RIPK1: variants seen among roughly 807,000 people sequenced by gnomAD.
RIPK1 encodes receptor interacting serine/threonine kinase 1, also known as receptor-interacting serine/threonine-protein kinase 1.
A neutral mutation model predicts 62.4 loss-of-function variants in RIPK1; 27 were observed. That is an observed-to-expected ratio of 0.43 (90% confidence interval 0.32 to 0.60). The LOEUF is 0.60. RIPK1 is among the 20% of genes least tolerant of loss of function. RIPK1 has a pLI of 0.07. For synonymous variants in RIPK1, 287 were observed against 303.2 expected, an observed-to-expected ratio of 0.95 and a Z score of 0.55; for missense variants, 735 against 831.0, an observed-to-expected ratio of 0.88 and a Z score of 1.42.
intron 1 of RIPK1, among the ~76,000 whole-genome samples, chr6:3,070,914 G>T (rs1264005537): frequency 1.3e-5 from 2 of 152,144 alleles, no homozygotes; most frequent in Non-Finnish European, 2.9e-5. Context: ...TTTGAATGAA[G>T]GGACAAATAT....
intron 7 of RIPK1, among the ~76,000 whole-genome samples, chr6:3,094,629 A>G (rs1760189714): frequency 6.6e-6 from 1 of 151,132 alleles, no homozygotes; most frequent in African/African-American, 2.4e-5. Flanking sequence ...AATTAGCCAA[A>G]CATTATCTGA....
chr6:3,098,077 C>G (rs1006136706), intron 7 of RIPK1, among the ~76,000 whole-genome samples: 2 of 152,238 alleles, frequency 1.3e-5, no homozygotes, highest in South Asian at 4.1e-4. Context: ...TGCCCACTTT[C>G]GGTCCCAGCT....
rs2113688751 is a variant in RIPK1 at position 3,104,263 on chromosome 6, G to A, written c.954G>A (p.Met318Ile). Residue 318 changes from methionine to isoleucine, a missense_variant, in exon 8 of 11, where the codon ATG becomes ATA. Met to Ile is a conservative substitution (Grantham distance 10). Coordinates refer to ENST00000259808, the MANE Select transcript of RIPK1 (RefSeq NM_001354930.2). ...ACGAAAATGCAGTTGTGAAGAGAATGCAGTCTCTTCAACTTGATTGTGTGG... is the reference window on the plus strand; with the variant it reads ...ACGAAAATGCAGTTGTGAAGAGAATACAGTCTCTTCAACTTGATTGTGTGG... The part of the protein sequence containing the change: ...YSNENAVVKR[M>I]QSLQLDCVAV... 1 of 1,603,816 alleles carries A rather than the reference G, an allele frequency of 6.2e-7. No homozygotes were observed.
In RIPK1 at chr6:3,089,661, G is replaced by A. The variant is rs750442977; in HGVS notation, c.915+4G>A. 4 of 1,509,030 alleles carry A rather than the reference G, an allele frequency of 2.7e-6. No homozygotes were observed. The Admixed American group carries it at 5.4e-5, about 20-fold the overall frequency. 93.5% of individuals were successfully genotyped at this position (1,509,030 alleles called of 1,614,324 possible). On this transcript the variant is annotated splice_donor_region_variant and intron_variant, in intron 7 of 10. Coordinates refer to ENST00000259808, the MANE Select transcript of RIPK1 (RefSeq NM_001354930.2). ...AGAGGACGTGAAGAGTTTAAAGGTAGGCAATATAGCAGATGCTCAAAATAT... is the reference window on the plus strand; with the variant it reads ...AGAGGACGTGAAGAGTTTAAAGGTAAGCAATATAGCAGATGCTCAAAATAT...
At chr6:3,085,112 TG>T in intron 5 of RIPK1, 146 bp from the exon 6 acceptor site, 1 of 758,262 alleles carries the variant, frequency 1.3e-6, no homozygotes, top group Non-Finnish European at 2.2e-6. Flanking sequence ...TAGTGGAATA[TG>T]TCAGCTCCTT....
intron 9 of RIPK1, among the ~76,000 whole-genome samples, chr6:3,109,416 G>GA (rs1247809709): frequency 6.6e-6 from 1 of 152,088 alleles, no homozygotes; most frequent in Non-Finnish European, 1.5e-5. Flanking sequence ...AGACAGGGAG[G>GA]AAACAGTGAA....
At chr6:3,106,463 T>G (rs17548545) in intron 9 of RIPK1, among the ~76,000 whole-genome samples, 1 of 152,204 alleles carries the variant, frequency 6.6e-6, no homozygotes, top group Non-Finnish European at 1.5e-5. Flanking sequence ...AAGACTACCA[T>G]TAGTGATGAA....
At chr6:3,096,235 A>G (rs1760283770) in intron 7 of RIPK1, among the ~76,000 whole-genome samples, 2 of 152,220 alleles carry the variant, frequency 1.3e-5, no homozygotes, top group Non-Finnish European at 2.9e-5. Context: ...GTAGAGCAAG[A>G]AAAAGAAAGA....
At position 3,102,491 on chromosome 6, in the gene RIPK1, T is replaced by G. The variant is rs991671602; in HGVS notation, c.916-1734T>G. Among the ~76,000 whole-genome samples, 28 of 152,178 alleles carry G rather than the reference T, an allele frequency of 1.8e-4. 1 individual carries two copies. The highest frequency in any genetic ancestry group is 3.8e-4 in the Non-Finnish European group (26 of 68,036). On this transcript the variant is annotated intron_variant, in intron 7 of 10. Coordinates refer to ENST00000259808, the MANE Select transcript of RIPK1 (RefSeq NM_001354930.2). ...TCCAAAACACTTCTAATCCCAAGCATTTTGGATAAGGGATACTACACCTGC... is the reference window on the plus strand; with the variant it reads ...TCCAAAACACTTCTAATCCCAAGCAGTTTGGATAAGGGATACTACACCTGC...
At position 3,095,846 on chromosome 6, in the gene RIPK1, C is replaced by CT. The variant is rs34808064; in HGVS notation, c.915+6205dup. 8.8e-3 allele frequency among the ~76,000 whole-genome samples: 1,207 copies of CT among 137,144 alleles called. 17 individuals carry two copies. The highest frequency in any genetic ancestry group is 0.023 in the South Asian group (100 of 4,330). 90.0% of individuals were successfully genotyped at this position (137,144 alleles called of 152,430 possible). A position where few individuals can be genotyped will look rare whatever the true frequency, so the allele number is the denominator to read the frequency against. On this transcript the variant is annotated intron_variant, in intron 7 of 10. Coordinates refer to ENST00000259808, the MANE Select transcript of RIPK1 (RefSeq NM_001354930.2). ...CTTATTTTAACAAAATGTTAACAGCCTTTTTTTTTTTTTTTTGAGGCAAGG... is the reference window on the plus strand; with the variant it reads ...CTTATTTTAACAAAATGTTAACAGCCTTTTTTTTTTTTTTTTTGAGGCAAGG...
At chr6:3,067,969 GC>G (rs1758459681), upstream of RIPK1, 1 of 152,970 alleles carries the variant, frequency 6.5e-6, no homozygotes, top group Admixed American at 6.5e-5. Flanking sequence ...GTCTCGAACT[GC>G]TGACCTCAAG....
chr6:3,070,055 A>C (rs545388335), intron 1 of RIPK1, among the ~76,000 whole-genome samples: 1 of 152,206 alleles, frequency 6.6e-6, no homozygotes, highest in Non-Finnish European at 1.5e-5. Context: ...CAGCTCTTCT[A>C]TTCACAAAAA....
chr6:3,066,061 T>C (rs1758365465), upstream of RIPK1, among the ~76,000 whole-genome samples: 1 of 152,028 alleles, frequency 6.6e-6, no homozygotes, highest in South Asian at 2.1e-4. Flanking sequence ...TGAGACGGAG[T>C]CTGGCTCTGT....
rs1760715822 is a variant in RIPK1 at position 3,104,222 on chromosome 6, TAGAA to T, written c.917_920del (p.Lys306SerfsTer9). 6.9e-7 allele frequency: 1 copy of T among 1,456,030 alleles called. No individual in the cohort carries two copies. The highest frequency in any genetic ancestry group is 1.4e-5 in the African/African-American group (1 of 71,690). 90.2% of individuals were successfully genotyped at this position (1,456,030 alleles called of 1,614,324 possible). A position where few individuals can be genotyped will look rare whatever the true frequency, so the allele number is the denominator to read the frequency against. ...AAGTGTGTATTTATGCTCTTAATTA[TAGAA>T]AGAGTATTCAAACGAAAATGCAGTT... is the stretch of plus-strand genomic sequence containing the variant. On this transcript the variant is annotated splice_acceptor_variant and coding_sequence_variant, in exon 8 of 11. Transcript: ENST00000259808. LOFTEE classifies it high-confidence loss of function.
At chr6:3,069,646 C>T (rs957102645) in intron 1 of RIPK1, among the ~76,000 whole-genome samples, 1 of 152,200 alleles carries the variant, frequency 6.6e-6, no homozygotes, top group Admixed American at 6.5e-5. Flanking sequence ...TGTGCAATGT[C>T]TTAGTACTCA....
chr6:3,076,703 T>TATATATATATA, intron 1 of RIPK1, 61 bp from the exon 2 acceptor site: 1 of 48,384 alleles, frequency 2.1e-5, no homozygotes, highest in Non-Finnish European at 4.6e-5. Context: ...AAAAAACATA[T>TATATATATATA]ATATATATAT....
At position 3,110,902 on chromosome 6, in the gene RIPK1, G is replaced by A; in HGVS notation, c.1676G>A (p.Ser559Asn). ...GGGACGAGTTCATCACTACTAGACA[G>A]CACAAATACGAACTTCAAAGAAGAG... ...IGGTSSSLLDSTNTNFKEEPA... is the reference protein window; with the variant it reads ...IGGTSSSLLDNTNTNFKEEPA... Residue 559 changes from serine to asparagine, a missense_variant, in exon 10 of 11, where the codon AGC becomes AAC. Ser to Asn is a conservative substitution (Grantham distance 46). This residue lies in a region of RIPK1 where 671 missense variants were observed against 726.2 expected (regional missense o/e 0.92). Transcript: ENST00000259808. 1 of 1,612,528 alleles carries A rather than the reference G, an allele frequency of 6.2e-7. No individual in the cohort carries two copies.
chr6:3,076,743 TTC>T lies in RIPK1; in HGVS notation c.-60-15_-60-14del, dbSNP rs1296213324. The stretch of plus-strand genomic sequence containing the variant: ...ATATATATAGTCTTGCCCTGAGGTT[TTC>T]TCTCTGTTTTCTTTACAGGGTACAG... On this transcript the variant is annotated intron_variant, in intron 1 of 10. Transcript: ENST00000259808. The T allele has an allele frequency of 7.7e-7, 1 of 1,296,448 alleles. No individual in the cohort carries two copies. The highest frequency in any genetic ancestry group is 1.1e-6 in the Non-Finnish European group (1 of 950,304). 80.3% of individuals were successfully genotyped at this position (1,296,448 alleles called of 1,614,324 possible). A position where few individuals can be genotyped will look rare whatever the true frequency, so the allele number is the denominator to read the frequency against.
intron 1 of RIPK1, among the ~76,000 whole-genome samples, chr6:3,071,462 A>G (rs1158989735): frequency 6.6e-6 from 1 of 152,142 alleles, no homozygotes; most frequent in Non-Finnish European, 1.5e-5. Flanking sequence ...AGTTAAAATT[A>G]TTTGCTATAA....
Sources: gnomAD v4.1 joint callset for allele counts (sites outside exome capture counted in the v4.1 genomes callset) on GRCh38, gnomAD v4.1.1 for gene constraint, gnomAD v4.1.1 regional missense constraint, MANE v1.5 for transcripts, NCBI Gene and HGNC (gene_info 2026-07-23, HGNC 2026-07-21) for gene names.